Variants in HIPK2 observed in about 807,000 individuals in gnomAD.
HIPK2 encodes homeodomain-interacting protein kinase 2.
HIPK2 carries 27 observed loss-of-function variants against 113.7 expected under a neutral mutation model. That is an observed-to-expected ratio of 0.24 (90% CI 0.17 to 0.33). The LOEUF (loss-of-function observed/expected upper bound fraction) is 0.33. HIPK2 is among the 10% of genes least tolerant of loss of function. The probability of loss-of-function intolerance (pLI) is 1.00; values close to 1 mark genes in which losing one functional copy is unlikely to be tolerated. For synonymous variants in HIPK2, 631 were observed against 642.2 expected (o/e 0.98, Z 0.26); for missense variants, 1,257 against 1,588.0 (o/e 0.79, Z 3.54).
chr7:139,618,492 ACC>A (rs1387858764), intron 7 of HIPK2, among the ~76,000 whole-genome samples: 3 of 152,092 alleles, frequency 2.0e-5, no homozygotes, highest in Non-Finnish European at 4.4e-5. Context: ...CTCCTACTTC[ACC>A]CCAGTCCCAA....
chr7:139,621,073 C>T (rs1800217785), intron 6 of HIPK2, among the ~76,000 whole-genome samples: 1 of 152,306 alleles, frequency 6.6e-6, no homozygotes, highest in Admixed American at 6.5e-5. Context: ...GTATGGTGAC[C>T]CTATTGCCAC....
At chr7:139,705,920 C>T (rs1794882357) in intron 2 of HIPK2, among the ~76,000 whole-genome samples, 1 of 152,068 alleles carries the variant, frequency 6.6e-6, no homozygotes, top group Non-Finnish European at 1.5e-5. Context: ...CTTACTCTCT[C>T]CAGGAAGGCT....
At position 139,567,527 on chromosome 7, in the gene HIPK2, A is replaced by G. The variant is rs1327022544; in HGVS notation, c.*5400T>C. On this transcript the variant is annotated 3_prime_UTR_variant, in exon 15 of 15. Transcript: ENST00000406875. ...GTCCATTTCTGGAGGCGTCTTTGAG[A>G]AGGGTTCTTTGGCTAAAGAAAGGAA... is the stretch of plus-strand genomic sequence containing the variant. 1 of 152,098 alleles carries G rather than the reference A, an allele frequency of 6.6e-6. No individual in the cohort carries two copies. The highest frequency in any genetic ancestry group is 1.9e-4 in the East Asian group (1 of 5,202). The allele number at this position is 152,098 out of a possible 1,614,324, so 9.4% of individuals were successfully genotyped here.
intron 2 of HIPK2, among the ~76,000 whole-genome samples, chr7:139,677,458 G>A (rs1003800981): frequency 6.6e-6 from 1 of 152,116 alleles, no homozygotes; most frequent in Non-Finnish European, 1.5e-5. Flanking sequence ...GGAAGTTCAA[G>A]ATCAAGGTGC....
In HIPK2 at chr7:139,716,886, A is replaced by C; in HGVS notation, c.149T>G (p.Val50Gly). The C allele has an allele frequency of 3.1e-6, 5 of 1,613,558 alleles. No individual in the cohort carries two copies. The highest frequency in any genetic ancestry group is 4.2e-6 in the Non-Finnish European group (5 of 1,179,798). Residue 50 changes from valine to glycine, a missense_variant, in exon 2 of 15, where the codon GTG becomes GGG. Physicochemically the swap from Val to Gly is moderately radical, Grantham distance 109. Around this residue, in one of 5 missense-constraint regions of HIPK2, gnomAD observed 209 missense variants for 237.8 expected, o/e 0.88. Transcript: ENST00000406875. This position sits in a 1 kb window ranked among gnomAD's most constrained non-coding sequence, Gnocchi z 9.3. The part of the protein sequence containing the change: ...DMTGYGSHSK[V>G]YSQSKNIPLS... Reference sequence around the variant, plus strand: ...GGGGATGTTCTTGCTCTGGCTATACACTTTGCTGTGGGAGCCGTACCCAGT... The same window carrying C: ...GGGGATGTTCTTGCTCTGGCTATACCCTTTGCTGTGGGAGCCGTACCCAGT...
Position 139,584,077 on chromosome 7 carries a change from A to T in HIPK2, c.2718-13T>A, listed in dbSNP as rs764953731. On this transcript the variant is annotated splice_polypyrimidine_tract_variant and intron_variant, in intron 12 of 14. Transcript: ENST00000406875. ...CTTGGAGACAGTGCTGAAAATGCAA[A>T]GGGAGAAGTCAGAGGTGGGAGAAGG... 1 of 1,567,214 alleles carries T rather than the reference A, an allele frequency of 6.4e-7. No homozygotes were observed. The highest frequency in any genetic ancestry group is 8.7e-7 in the Non-Finnish European group (1 of 1,154,146).
At chr7:139,671,007 C>T (rs1032754745) in intron 2 of HIPK2, among the ~76,000 whole-genome samples, 2 of 151,976 alleles carry the variant, frequency 1.3e-5, no homozygotes, top group Non-Finnish European at 2.9e-5. Context: ...GTGATTTGCC[C>T]GCCTCAGCCT....
chr7:139,637,854 C>T (rs569217842), intron 2 of HIPK2, among the ~76,000 whole-genome samples: 1 of 152,254 alleles, frequency 6.6e-6, no homozygotes, highest in East Asian at 1.9e-4. Context: ...CAGGATTTAG[C>T]CCAAGGAGGA....
intron 4 of HIPK2, 114 bp from the exon 5 acceptor site, chr7:139,629,153 G>T (rs144111513): frequency 6.3e-5 from 51 of 808,234 alleles, no homozygotes; most frequent in Non-Finnish European, 9.3e-5. Flanking sequence ...TTTCGGAAGA[G>T]ATTTTGATTC....
chr7:139,752,820 C>A (rs1043446592), intron 1 of HIPK2, among the ~76,000 whole-genome samples: 2 of 152,142 alleles, frequency 1.3e-5, no homozygotes, highest in African/African-American at 2.4e-5. Context: ...GATTTTCCTT[C>A]CCAGGACTTT....
At chr7:139,772,865 T>C (rs1308187574) in intron 1 of HIPK2, among the ~76,000 whole-genome samples, 4 of 150,884 alleles carry the variant, frequency 2.7e-5, no homozygotes, top group East Asian at 1.9e-4. Flanking sequence ...GGATTACAGG[T>C]GTGAGCCACT....
chr7:139,654,208 A>G (rs1052865108), intron 2 of HIPK2, among the ~76,000 whole-genome samples: 1 of 152,162 alleles, frequency 6.6e-6, no homozygotes, highest in Admixed American at 6.5e-5. Context: ...GCTCTTAAAC[A>G]TCATTAAAAA....
intron 12 of HIPK2, among the ~76,000 whole-genome samples, chr7:139,595,584 T>G (rs1799178356): frequency 6.6e-6 from 1 of 152,134 alleles, no homozygotes; most frequent in South Asian, 2.1e-4. Flanking sequence ...CAATGACAAT[T>G]AGGCTGTACC....
intron 2 of HIPK2, among the ~76,000 whole-genome samples, chr7:139,674,937 C>T (rs1335054691): frequency 3.9e-5 from 6 of 152,196 alleles, no homozygotes; most frequent in South Asian, 2.1e-4. Flanking sequence ...CAGCCATCTC[C>T]GGACCTGTCC....
intron 2 of HIPK2, among the ~76,000 whole-genome samples, chr7:139,671,558 G>GC (rs1554441780): frequency 6.8e-6 from 1 of 147,798 alleles, no homozygotes; most frequent in Non-Finnish European, 1.5e-5. Flanking sequence ...TGAGAATAAA[G>GC]TTTTTTTTTT....
rs536152419 is a variant in HIPK2, at chr7:139,626,098, T to A, written c.1619+503A>T. ...CAGCCACTGCCCACTTTCTTTCTTT[T>A]TTTCTTTCCTTTTTTTTTTTTTGAG... On this transcript the variant is annotated intron_variant, in intron 6 of 14. Transcript: ENST00000406875. Among the ~76,000 whole-genome samples, 286 of 146,848 alleles carry A rather than the reference T, an allele frequency of 1.9e-3. 1 individual carries two copies. Among genetic ancestry groups the A allele is most frequent in the African/African-American group, 7.2e-3 (262 of 36,474 alleles).
At position 139,651,030 on chromosome 7, in the gene HIPK2, T is replaced by G. The variant is rs146085059; in HGVS notation, c.1104-19305A>C. On this transcript the variant is annotated intron_variant, in intron 2 of 14. Transcript: ENST00000406875. ...GTCAGCCACGGAATTTTGAGGTACT[T>G]CGTTATGCAGTGACAGATACTGATT... 1.3e-3 allele frequency among the ~76,000 whole-genome samples: 192 copies of G among 152,314 alleles called. 1 individual carries two copies. Among genetic ancestry groups the G allele is most frequent in the African/African-American group, 4.1e-3 (172 of 41,558 alleles).
intron 12 of HIPK2, among the ~76,000 whole-genome samples, chr7:139,586,455 T>C (rs1798833572): frequency 6.6e-6 from 1 of 151,644 alleles, no homozygotes; most frequent in South Asian, 2.1e-4. Context: ...ATCCATACAG[T>C]GGAATACTAT....
At position 139,562,247 on chromosome 7, in the gene HIPK2, G is replaced by A. The variant is rs1797969302; in HGVS notation, c.*10680C>T. 6.6e-6 allele frequency: 1 copy of A among 152,200 alleles called. No individual in the cohort carries two copies. Among genetic ancestry groups the A allele is most frequent in the South Asian group, 2.1e-4 (1 of 4,826 alleles). The allele number at this position is 152,200 out of a possible 1,614,324, so 9.4% of individuals were successfully genotyped here. On this transcript the variant is annotated 3_prime_UTR_variant, in exon 15 of 15. Transcript: ENST00000406875. The stretch of plus-strand genomic sequence containing the variant: ...CACTTTTTATTACAGAAACCGTACG[G>A]TGAAGGAACACAACAGACCAGGGCT...
Sources: gnomAD v4.1 joint callset for allele counts (sites outside exome capture counted in the v4.1 genomes callset) on GRCh38, gnomAD v4.1.1 for gene constraint, gnomAD v4.1.1 regional missense constraint, Gnocchi (gnomAD v3.1) non-coding constraint, MANE v1.5 for transcripts, NCBI Gene and HGNC (gene_info 2026-07-23, HGNC 2026-07-21) for gene names.